Variants in SLC6A7 observed in about 807,000 individuals in gnomAD.
The protein encoded by SLC6A7 is sodium-dependent proline transporter.
In SLC6A7, 58 loss-of-function variants were observed where a neutral mutation model predicts 73.1. The ratio of observed to expected loss-of-function variants is 0.79; its 90% CI spans 0.64 to 0.99. SLC6A7 has a LOEUF of 0.99. SLC6A7 is among the 50% of genes least tolerant of loss of function. The probability of loss-of-function intolerance (pLI) is 0.00; values close to 1 mark genes in which losing one functional copy is unlikely to be tolerated. For synonymous variants in SLC6A7, 338 were observed against 338.7 expected (o/e 1.00, Z 0.02); for missense variants, 783 against 831.4 (o/e 0.94, Z 0.72).
At chr5:150,191,623 G>T (rs1185383625) in intron 1 of SLC6A7, among the ~76,000 whole-genome samples, 3 of 152,042 alleles carry the variant, frequency 2.0e-5, no homozygotes, top group East Asian at 3.9e-4. Context: ...GTAGAGACGG[G>T]GTTTCACCGT....
chr5:150,195,768 G>A (rs1246837910), intron 2 of SLC6A7, among the ~76,000 whole-genome samples: 1 of 152,234 alleles, frequency 6.6e-6, no homozygotes, highest in African/African-American at 2.4e-5. Context: ...AGCAAAGAAA[G>A]GATAAATTTA....
intron 10 of SLC6A7, 65 bp from the exon 11 acceptor site, chr5:150,204,467 G>C: frequency 7.9e-7 from 1 of 1,260,598 alleles, no homozygotes; most frequent in Non-Finnish European, 1.2e-6. Context: ...TTCTTGCCAG[G>C]AGAAGGGGCT....
intron 6 of SLC6A7, 29 bp downstream of exon 6, chr5:150,201,252 G>T (rs750386687): frequency 6.3e-7 from 1 of 1,580,400 alleles, no homozygotes; most frequent in South Asian, 1.2e-5. Flanking sequence ...GGTGCAGAGG[G>T]AGGGGCCAGG....
intron 1 of SLC6A7, among the ~76,000 whole-genome samples, chr5:150,194,432 T>TA (rs57988226): frequency 0.017 from 2,097 of 124,322 alleles, 41 homozygotes; most frequent in African/African-American, 0.049. Flanking sequence ...CTTTCTCAAT[T>TA]AAAAAAAAAA....
intron 1 of SLC6A7, 90 bp from the exon 2 acceptor site, chr5:150,194,638 C>A: frequency 1.1e-6 from 1 of 895,436 alleles, no homozygotes; most frequent in Middle Eastern, 2.2e-4. Context: ...TTCATTTAGC[C>A]CTGTTCAATT....
intron 4 of SLC6A7, among the ~76,000 whole-genome samples, chr5:150,197,914 G>T (rs976377351): frequency 3.3e-5 from 5 of 152,058 alleles, no homozygotes; most frequent in Admixed American, 3.3e-4. Flanking sequence ...CCATTATCAC[G>T]GTGCTGGGCA....
rs1753650496 is a variant in SLC6A7 at position 150,205,509 on chromosome 5, C to T, written c.1587C>T (p.Tyr529=). 2.5e-6 allele frequency: 4 copies of T among 1,613,552 alleles called. No individual in the cohort carries two copies. Among genetic ancestry groups the T allele is most frequent in the Middle Eastern group, 1.7e-4 (1 of 6,056 alleles). The part of the protein sequence containing the change: ...VKYQPSEYGS[Y]RFPPWAELLG... ...ACCAGCCCTCGGAGTATGGCAGTTA[C>T]CGCTTCCCGCCCTGGGCTGAGCTGC... is the stretch of plus-strand genomic sequence containing the variant. Residue 529 remains tyrosine, a synonymous_variant, in exon 13 of 14, where the codon TAC becomes TAT. Transcript: ENST00000230671.
At chr5:150,195,446 A>G (rs1261790659) in intron 2 of SLC6A7, among the ~76,000 whole-genome samples, 1 of 152,224 alleles carries the variant, frequency 6.6e-6, no homozygotes, top group African/African-American at 2.4e-5. Flanking sequence ...TCCAAGTCTC[A>G]TTAGCAAAAG....
chr5:150,193,026 G>T (rs1229275233), intron 1 of SLC6A7, among the ~76,000 whole-genome samples: 5 of 152,200 alleles, frequency 3.3e-5, no homozygotes, highest in Admixed American at 3.3e-4. Flanking sequence ...TTAAGTCTGG[G>T]ATCTGCTGCT....
At chr5:150,207,538 G>C (rs968156877) in intron 13 of SLC6A7, among the ~76,000 whole-genome samples, 1 of 152,186 alleles carries the variant, frequency 6.6e-6, no homozygotes, top group Non-Finnish European at 1.5e-5. Context: ...CTTTAAAATG[G>C]AGAGAGTGAT....
rs375087180 is a variant in SLC6A7, at chr5:150,209,467, C to T, written c.1763C>T (p.Thr588Met). Residue 588 changes from threonine to methionine, a missense_variant, in exon 14 of 14, where the codon ACG (threonine) becomes ATG (methionine). Transcript: ENST00000230671. ...DWGPSLEENRTGMYVATLAGS... is the reference protein window; with the variant it reads ...DWGPSLEENRMGMYVATLAGS... ...GGACCATCGCTGGAGGAGAACCGGACGGGCATGTATGTGGCCACGCTGGCT... is the reference window on the plus strand; with the variant it reads ...GGACCATCGCTGGAGGAGAACCGGATGGGCATGTATGTGGCCACGCTGGCT... 4.2e-5 allele frequency: 67 copies of T among 1,614,168 alleles called. No homozygotes were observed. Among genetic ancestry groups the T allele is most frequent in the African/African-American group, 1.3e-4 (10 of 75,076 alleles).
At chr5:150,197,480 G>C (rs1299505745) in intron 4 of SLC6A7, among the ~76,000 whole-genome samples, 2 of 152,220 alleles carry the variant, frequency 1.3e-5, no homozygotes, top group Admixed American at 1.3e-4. Flanking sequence ...TGCTTTATCT[G>C]TAGCATGAGG....
rs139353829 is a variant in SLC6A7, at chr5:150,195,463, C to G, written c.217+552C>G. Among the ~76,000 whole-genome samples, 608 of 152,378 alleles carry G rather than the reference C, an allele frequency of 4.0e-3. 11 individuals carry two copies. Among genetic ancestry groups the G allele is most frequent in the South Asian group, 0.03 (144 of 4,834 alleles). On this transcript the variant is annotated intron_variant, in intron 2 of 13. Transcript: ENST00000230671. ...CAAGTCTCATTAGCAAAAGCTGGGG[C>G]TGAGCGCCTACCACCTGTCAGGCCC...
intron 12 of SLC6A7, 63 bp downstream of exon 12, chr5:150,204,990 C>T (rs2113986260): frequency 2.8e-6 from 3 of 1,073,540 alleles, no homozygotes; most frequent in Non-Finnish European, 1.4e-6. Flanking sequence ...GGAGTCCCCT[C>T]TGCACGTTCA....
At chr5:150,192,358 G>A (rs925758869) in intron 1 of SLC6A7, among the ~76,000 whole-genome samples, 10 of 152,292 alleles carry the variant, frequency 6.6e-5, no homozygotes, top group African/African-American at 2.4e-4. Context: ...CCCCTGCTGT[G>A]AGTCCCTAAA....
rs776664102 is a variant in SLC6A7, at chr5:150,190,285, C to T, written c.-43C>T. 2 of 1,498,374 alleles carry T rather than the reference C, an allele frequency of 1.3e-6. No homozygotes were observed. The highest frequency in any genetic ancestry group is 2.5e-5 in the South Asian group (2 of 79,956). 92.8% of individuals were successfully genotyped at this position (1,498,374 alleles called of 1,614,324 possible). ...GGACCATCTCTCGTGCCCTCGCTCTCTGCGCTCCGGGGCAGCTGAGCCCCG... is the reference window on the plus strand; with the variant it reads ...GGACCATCTCTCGTGCCCTCGCTCTTTGCGCTCCGGGGCAGCTGAGCCCCG... On this transcript the variant is annotated 5_prime_UTR_variant, in exon 1 of 14. Coordinates refer to ENST00000230671, the MANE Select transcript of SLC6A7 (RefSeq NM_014228.5).
At position 150,204,677 on chromosome 5, in the gene SLC6A7, G is replaced by C. The variant is rs535098737; in HGVS notation, c.1432+46G>C. ...TGGAGTCGAGCTCTCCGCAGTGGGA[G>C]AATGGGAGTCTACCCTGGGGAGCCC... On this transcript the variant is annotated intron_variant, in intron 11 of 13. Coordinates refer to ENST00000230671, the MANE Select transcript of SLC6A7 (RefSeq NM_014228.5). 7 of 1,471,888 alleles carry C rather than the reference G, an allele frequency of 4.8e-6. No individual in the cohort carries two copies. In the African/African-American group the frequency reaches 6.9e-5, roughly 14 times the overall value. 91.2% of individuals were successfully genotyped at this position (1,471,888 alleles called of 1,614,324 possible).
intron 4 of SLC6A7, among the ~76,000 whole-genome samples, chr5:150,198,116 A>AAAGAAG (rs5872162): frequency 0.068 from 5,763 of 84,918 alleles, 309 homozygotes; most frequent in East Asian, 0.08. Context: ...AGAAAGAAAG[A>AAAGAAG]GAAAGAAAGA....
chr5:150,200,342 A>AAT (rs1753307828), intron 5 of SLC6A7, among the ~76,000 whole-genome samples: 1 of 152,040 alleles, frequency 6.6e-6, no homozygotes, highest in South Asian at 2.1e-4. Context: ...AAAATACAAA[A>AAT]ATTAGCCGGG....
Sources: gnomAD v4.1 joint callset for allele counts (sites outside exome capture counted in the v4.1 genomes callset) on GRCh38, gnomAD v4.1.1 for gene constraint, MANE v1.5 for transcripts, NCBI Gene and HGNC (gene_info 2026-07-23, HGNC 2026-07-21) for gene names.